CEMIP: variants seen among roughly 807,000 people sequenced by gnomAD.
CEMIP encodes the protein cell migration-inducing and hyaluronan-binding protein.
In CEMIP, 105 loss-of-function variants were observed where a neutral mutation model predicts 156.9. The ratio of observed to expected loss-of-function variants is 0.67; its 90% CI spans 0.57 to 0.79. CEMIP has a LOEUF of 0.79. CEMIP is among the 30% of genes least tolerant of loss of function. The pLI is 0.00. For missense variants in CEMIP, 1,457 were observed against 1,769.4 expected (o/e 0.82, Z 3.17); for synonymous variants, 676 against 668.4 (o/e 1.01, Z -0.17).
At chr15:80,802,907 T>A (rs1896414583) in intron 1 of CEMIP, among the ~76,000 whole-genome samples, 1 of 152,178 alleles carries the variant, frequency 6.6e-6, no homozygotes, top group Non-Finnish European at 1.5e-5. Context: ...CTGGGATCTC[T>A]TGTCAGAGAC....
chr15:80,932,927 T>A lies in CEMIP; in HGVS notation c.2794-318T>A, dbSNP rs1221232864. On this transcript the variant is annotated intron_variant, in intron 22 of 29. Transcript: ENST00000394685. The surrounding 1 kb of genome is among the most constrained non-coding windows in gnomAD (Gnocchi z 4.5). ...ACACAGTCACACTCACAGTCCTCAG[T>A]CCCCCTCCTCCATCTCTGCAGTTGG... Among the ~76,000 whole-genome samples, 1 of 152,042 alleles carries A rather than the reference T, an allele frequency of 6.6e-6. No individual in the cohort carries two copies. Among genetic ancestry groups the A allele is most frequent in the East Asian group, 1.9e-4 (1 of 5,196 alleles).
At chr15:80,925,862 C>A in intron 19 of CEMIP, 107 bp downstream of exon 19, 2 of 1,461,046 alleles carry the variant, frequency 1.4e-6, no homozygotes, top group South Asian at 1.3e-5. Flanking sequence ...GCCAGACATA[C>A]TGACGTTTGG....
intron 23 of CEMIP, among the ~76,000 whole-genome samples, chr15:80,933,866 A>C (rs544044534): frequency 6.6e-6 from 1 of 152,354 alleles, no homozygotes; most frequent in East Asian, 1.9e-4. Context: ...TATCCAATAG[A>C]AATATAATGC....
In CEMIP at chr15:80,920,256, G is replaced by C; in HGVS notation, c.1960G>C (p.Asp654His). The C allele has an allele frequency of 3.1e-6, 5 of 1,614,136 alleles. No individual in the cohort carries two copies. Among genetic ancestry groups the C allele is most frequent in the Non-Finnish European group, 4.2e-6 (5 of 1,180,034 alleles). ...CAAGATGTGCAAGATGATCACAGAG[G>C]ACTCCTACCCGGGGTACATCCCCAA... is the stretch of plus-strand genomic sequence containing the variant. The part of the protein sequence containing the change: ...DSKMCKMITE[D>H]SYPGYIPKPR... The change falls in exon 15 of 30, where the codon GAC (aspartate) becomes CAC (histidine). Residue 654 changes from aspartate to histidine, a missense_variant. Asp to His is a moderately conservative substitution (Grantham distance 81). Coordinates refer to ENST00000394685, the MANE Select transcript of CEMIP (RefSeq NM_001293298.2).
intron 3 of CEMIP, among the ~76,000 whole-genome samples, chr15:80,877,531 T>C (rs897518010): frequency 2.0e-4 from 30 of 152,240 alleles, no homozygotes; most frequent in African/African-American, 7.0e-4. Context: ...GCACTGGGGC[T>C]TGTTCTTGGA....
intron 25 of CEMIP, chr15:80,938,200 G>A: frequency 3.9e-6 from 2 of 516,170 alleles, no homozygotes; most frequent in South Asian, 2.3e-5. Context: ...ATATACATGT[G>A]AATTGTAGGG....
At chr15:80,924,585 GA>G in intron 17 of CEMIP, 35 bp from the exon 18 acceptor site, 1 of 1,591,036 alleles carries the variant, frequency 6.3e-7, no homozygotes, top group Non-Finnish European at 8.6e-7. Flanking sequence ...GCCCACAGTA[GA>G]AACTAATGTG....
chr15:80,830,995 C>A (rs543360031), intron 1 of CEMIP, among the ~76,000 whole-genome samples: 2 of 152,146 alleles, frequency 1.3e-5, no homozygotes, highest in African/African-American at 2.4e-5. Flanking sequence ...CCAGCACTGA[C>A]CCCCTGGAGT....
At chr15:80,901,522 T>G (rs1455848123) in intron 12 of CEMIP, among the ~76,000 whole-genome samples, 1 of 152,004 alleles carries the variant, frequency 6.6e-6, no homozygotes, top group African/African-American at 2.4e-5. Context: ...GCCAACATAG[T>G]GAAACCCCGT....
intron 1 of CEMIP, among the ~76,000 whole-genome samples, chr15:80,859,468 T>C (rs2135881): frequency 0.26 from 39,048 of 152,240 alleles, 5,737 homozygotes; most frequent in African/African-American, 0.4. Flanking sequence ...TGATGCCCTA[T>C]CTGTCCCATC....
rs552603824 is a variant in CEMIP, at chr15:80,920,193, G to T, written c.1897G>T (p.Val633Phe). 26 of 1,614,186 alleles carry T rather than the reference G, an allele frequency of 1.6e-5. No individual in the cohort carries two copies. The highest frequency in any genetic ancestry group is 2.2e-5 in the Non-Finnish European group (26 of 1,180,038). Residue 633 changes from valine to phenylalanine, a missense_variant, in exon 15 of 30, where the codon GTC (valine) becomes TTC (phenylalanine). Val to Phe is a conservative substitution (Grantham distance 50, BLOSUM62 -1). This residue lies in a region of CEMIP where 798 missense variants were observed against 980.1 expected (regional missense o/e 0.81). Coordinates refer to ENST00000394685, the MANE Select transcript of CEMIP (RefSeq NM_001293298.2). ...TTTTGACCACTGTCTTGGCCTCCTT[G>T]TCAAGTCTGGAACCCTCCTCCCCTC... Reference protein sequence around the residue: ...NTFDHCLGLLVKSGTLLPSDR... With the variant: ...NTFDHCLGLLFKSGTLLPSDR...
Position 80,873,841 on chromosome 15 carries a change from G to A in CEMIP, c.-16-23G>A, listed in dbSNP as rs952312442. 2.0e-6 allele frequency: 3 copies of A among 1,530,090 alleles called. No individual in the cohort carries two copies. The African/African-American group carries it at 4.1e-5, about 21-fold the overall frequency. 94.8% of individuals were successfully genotyped at this position (1,530,090 alleles called of 1,614,324 possible). A position where few individuals can be genotyped will look rare whatever the true frequency, so the allele number is the denominator to read the frequency against. On this transcript the variant is annotated intron_variant, in intron 2 of 29. Transcript: ENST00000394685. ...TCCAGCCTGCCAAGGCTGCATGTCT[G>A]ACTCTGTGTGCTTCTCTTTCAGGGA...
intron 19 of CEMIP, among the ~76,000 whole-genome samples, chr15:80,928,566 C>T (rs1240407305): frequency 6.6e-6 from 1 of 152,180 alleles, no homozygotes; most frequent in East Asian, 1.9e-4. Flanking sequence ...TCTCCTGATC[C>T]AACCTCACAC....
chr15:80,816,394 C>G (rs1896789469), intron 1 of CEMIP, among the ~76,000 whole-genome samples: 1 of 152,176 alleles, frequency 6.6e-6, no homozygotes, highest in Admixed American at 6.5e-5. Context: ...CCTCGGACCT[C>G]TGTCTGCTTC....
chr15:80,906,943 G>A lies in CEMIP; in HGVS notation c.1587+105G>A, dbSNP rs1416943419. 7.6e-7 allele frequency: 1 copy of A among 1,317,980 alleles called. No individual in the cohort carries two copies. The highest frequency in any genetic ancestry group is 1.5e-5 in the African/African-American group (1 of 68,402). The allele number at this position is 1,317,980 out of a possible 1,614,324, so 81.6% of individuals were successfully genotyped here. ...TAGGGATGAGGGTGGGGGAACAGGA[G>A]GTGGGATCAAGGGGAGGGCGCCTTC... On this transcript the variant is annotated intron_variant, in intron 13 of 29. Coordinates refer to ENST00000394685, the MANE Select transcript of CEMIP (RefSeq NM_001293298.2). This position sits in a 1 kb window ranked among gnomAD's most constrained non-coding sequence, Gnocchi z 4.3.
rs775947487 is a variant in CEMIP at position 80,879,661 on chromosome 15, T to C, written c.242-55T>C. On this transcript the variant is annotated intron_variant, in intron 4 of 29. Transcript: ENST00000394685. ...AGGGAGTCTGCCCTTGGCTCTGATA[T>C]AACCTTACCCTTAACACTGTGTTAT... 2.5e-4 allele frequency: 409 copies of C among 1,611,850 alleles called. 3 individuals carry two copies. The highest frequency in any genetic ancestry group is 1.7e-4 in the Admixed American group (10 of 59,992).
At chr15:80,804,751 T>C (rs1244320439) in intron 1 of CEMIP, among the ~76,000 whole-genome samples, 1 of 152,200 alleles carries the variant, frequency 6.6e-6, no homozygotes, top group Non-Finnish European at 1.5e-5. Flanking sequence ...ACTCATCTTC[T>C]TTGTATGATA....
intron 1 of CEMIP, among the ~76,000 whole-genome samples, chr15:80,819,054 G>A (rs1263281294): frequency 1.3e-5 from 2 of 152,174 alleles, no homozygotes; most frequent in Admixed American, 6.5e-5. Flanking sequence ...GTCTTCTTTG[G>A]CTGTACCAGG....
chr15:80,912,439 A>G (rs1263059903), intron 14 of CEMIP, among the ~76,000 whole-genome samples: 1 of 152,134 alleles, frequency 6.6e-6, no homozygotes, highest in Admixed American at 6.5e-5. Context: ...TGGCTGAGGT[A>G]CCAGTTACAG....
Sources: gnomAD v4.1 joint callset for allele counts (sites outside exome capture counted in the v4.1 genomes callset) on GRCh38, gnomAD v4.1.1 for gene constraint, gnomAD v4.1.1 regional missense constraint, Gnocchi (gnomAD v3.1) non-coding constraint, MANE v1.5 for transcripts, NCBI Gene and HGNC (gene_info 2026-07-23, HGNC 2026-07-21) for gene names.